Variants in ATG10 observed in about 807,000 individuals in gnomAD.
ATG10 encodes the protein autophagy related 10.
A neutral mutation model predicts 32.1 loss-of-function variants in ATG10; 30 were observed. The ratio of observed to expected loss-of-function variants is 0.94; its 90% CI spans 0.70 to 1.27. ATG10 has a LOEUF of 1.27. ATG10 is among the 50% of genes most tolerant of loss of function. The probability of loss-of-function intolerance (pLI) is 0.00; values close to 1 mark genes in which losing one functional copy is unlikely to be tolerated. For missense variants in ATG10, 233 were observed against 262.3 expected (o/e 0.89, Z 0.77); for synonymous variants, 87 against 91.5 (o/e 0.95, Z 0.28).
chr5:82,040,790 A>G (rs1763061267), intron 2 of ATG10, among the ~76,000 whole-genome samples: 2 of 152,360 alleles, frequency 1.3e-5, no homozygotes, highest in Middle Eastern at 3.4e-3. Flanking sequence ...AGCATAAATC[A>G]TTACAATCAA....
chr5:82,053,213 A>G (rs1217575924), intron 2 of ATG10, among the ~76,000 whole-genome samples: 1 of 152,078 alleles, frequency 6.6e-6, no homozygotes, highest in African/African-American at 2.4e-5. Flanking sequence ...ACAGTTTTTA[A>G]TTTGCATTTT....
In ATG10 at chr5:82,246,631, G is replaced by A. The variant is rs563680339; in HGVS notation, c.454-5931G>A. On this transcript the variant is annotated intron_variant, in intron 5 of 7. Transcript: ENST00000282185. ...CCTTCCTTTGTACCATTATTGTCAT[G>A]TATGTTACATTTATGTTATAAACTC... Among the ~76,000 whole-genome samples the A allele has an allele frequency of 5.9e-5, 9 of 151,752 alleles. No individual in the cohort carries two copies. The East Asian group carries it at 9.7e-4, about 16-fold the overall frequency.
intron 5 of ATG10, among the ~76,000 whole-genome samples, chr5:82,224,748 G>A (rs972667907): frequency 2.0e-5 from 3 of 152,148 alleles, no homozygotes; most frequent in African/African-American, 7.2e-5. Context: ...GGGAATGGAG[G>A]CCAGTGAAAG....
chr5:82,228,613 ATGT>A (rs1476503282), intron 5 of ATG10, among the ~76,000 whole-genome samples: 1 of 152,212 alleles, frequency 6.6e-6, no homozygotes, highest in Non-Finnish European at 1.5e-5. Flanking sequence ...ATGATGATGG[ATGT>A]TTATTTTCAA....
At chr5:82,037,314 C>G (rs578145598) in intron 2 of ATG10, among the ~76,000 whole-genome samples, 1 of 104,052 alleles carries the variant, frequency 9.6e-6, no homozygotes, top group Non-Finnish European at 1.8e-5. Flanking sequence ...GTGGCGGGAT[C>G]TCGGCTCACT....
intron 2 of ATG10, among the ~76,000 whole-genome samples, chr5:82,030,218 G>A (rs568645046): frequency 6.6e-6 from 1 of 152,226 alleles, no homozygotes; most frequent in South Asian, 2.1e-4. Context: ...GAAGAATATG[G>A]TCTGATCTTA....
intron 5 of ATG10, among the ~76,000 whole-genome samples, chr5:82,228,027 G>A (rs2150001606): frequency 6.6e-6 from 1 of 152,124 alleles, no homozygotes; most frequent in Non-Finnish European, 1.5e-5. Context: ...GCAATATAGA[G>A]AAACCCCACC....
chr5:82,190,848 C>A (rs1212324166), intron 5 of ATG10, among the ~76,000 whole-genome samples: 1 of 145,550 alleles, frequency 6.9e-6, no homozygotes, highest in Non-Finnish European at 1.5e-5. Flanking sequence ...TTGTTTTAAC[C>A]AATTTTATGT....
intron 2 of ATG10, among the ~76,000 whole-genome samples, chr5:82,000,665 T>G (rs1761822371): frequency 6.6e-6 from 1 of 151,974 alleles, no homozygotes; most frequent in African/African-American, 2.4e-5. Context: ...CATTTCTTTT[T>G]TTTGTTTGTT....
intron 3 of ATG10, among the ~76,000 whole-genome samples, chr5:82,114,098 A>C (rs1765702862): frequency 6.6e-6 from 1 of 152,026 alleles, no homozygotes; most frequent in South Asian, 2.1e-4. Context: ...ACTGTGATGT[A>C]AGAGGGAGTA....
chr5:82,185,485 T>C (rs1744413762), intron 5 of ATG10, among the ~76,000 whole-genome samples: 1 of 152,208 alleles, frequency 6.6e-6, no homozygotes, highest in Admixed American at 6.5e-5. Flanking sequence ...AGGAGAAGCC[T>C]GTGCAGCACA....
intron 2 of ATG10, among the ~76,000 whole-genome samples, chr5:82,016,080 C>G (rs983691731): frequency 6.6e-6 from 1 of 152,116 alleles, no homozygotes; most frequent in African/African-American, 2.4e-5. Flanking sequence ...TGTGCATAAG[C>G]TTTTTAAATT....
At chr5:82,100,770 T>A (rs1035352157) in intron 3 of ATG10, among the ~76,000 whole-genome samples, 16 of 125,530 alleles carry the variant, frequency 1.3e-4, no homozygotes, top group African/African-American at 4.7e-4. Context: ...AAACAAGAAC[T>A]AGTTTTTTTT....
intron 4 of ATG10, among the ~76,000 whole-genome samples, chr5:82,174,393 T>G (rs1487342476): frequency 6.6e-6 from 1 of 152,216 alleles, no homozygotes; most frequent in Non-Finnish European, 1.5e-5. Context: ...TATATACTTT[T>G]GCCAACCATA....
intron 3 of ATG10, among the ~76,000 whole-genome samples, chr5:82,082,666 T>C (rs1346097898): frequency 6.6e-6 from 1 of 152,100 alleles, no homozygotes; most frequent in Non-Finnish European, 1.5e-5. Flanking sequence ...TAGTAATGTT[T>C]CTTTTTTTTT....
At chr5:82,021,763 G>A (rs968896494) in intron 2 of ATG10, among the ~76,000 whole-genome samples, 27 of 151,316 alleles carry the variant, frequency 1.8e-4, no homozygotes, top group African/African-American at 5.3e-4. Context: ...AGTGGCTCAC[G>A]CCTGTAATCC....
rs972688648 is a variant in ATG10 at position 82,155,594 on chromosome 5, A to G, written c.217-8805A>G. ...ATTTACTACTTGGCCCTTTAGAAAA[A>G]TGTTTGGAGATCTGTGGAACTAGAG... On this transcript the variant is annotated intron_variant, in intron 3 of 7. Coordinates refer to ENST00000282185, the MANE Select transcript of ATG10 (RefSeq NM_031482.5). Among the ~76,000 whole-genome samples the G allele has an allele frequency of 8.5e-5, 13 of 152,176 alleles. No homozygotes were observed. The East Asian group carries it at 1.9e-3, about 23-fold the overall frequency.
intron 1 of ATG10, among the ~76,000 whole-genome samples, chr5:81,984,163 G>C (rs1023199486): frequency 6.6e-6 from 1 of 152,266 alleles, no homozygotes; most frequent in African/African-American, 2.4e-5. Flanking sequence ...ACCAGACTCC[G>C]TCTGCAATCC....
At chr5:82,045,967 T>C (rs1763224292) in intron 2 of ATG10, among the ~76,000 whole-genome samples, 1 of 152,164 alleles carries the variant, frequency 6.6e-6, no homozygotes, top group Non-Finnish European at 1.5e-5. Context: ...CCGTGCAGCC[T>C]TCTCTCAAAG....
Sources: gnomAD v4.1 joint callset for allele counts (sites outside exome capture counted in the v4.1 genomes callset) on GRCh38, gnomAD v4.1.1 for gene constraint, MANE v1.5 for transcripts, NCBI Gene and HGNC (gene_info 2026-07-23, HGNC 2026-07-21) for gene names.